The following PCDH15 variants were observed in gnomAD, a reference collection of about 807,000 sequenced individuals.
PCDH15 encodes the protein protocadherin-15.
PCDH15 carries 129 observed loss-of-function variants against 178.5 expected under a neutral mutation model. The observed-to-expected ratio is 0.72, with a 90% CI of 0.63 to 0.84. The LOEUF (loss-of-function observed/expected upper bound fraction) is 0.84. Among genes scored for constraint, PCDH15 ranks in the 40% least tolerant of loss-of-function variants. The pLI is 0.00. For synonymous variants in PCDH15, 800 were observed against 732.0 expected, an observed-to-expected ratio of 1.09 and a Z score of -1.50; for missense variants, 2,230 against 2,099.9, an observed-to-expected ratio of 1.06 and a Z score of -1.21.
chr10:54,692,691 A>ATAACTACAAACATCCCTGATTGAG (rs2095144437), intron 1 of PCDH15, among the ~76,000 whole-genome samples: 1 of 147,266 alleles, frequency 6.8e-6, no homozygotes, highest in Admixed American at 7.2e-5. Flanking sequence ...TTAAAAGCGA[A>ATAACTACAAACATCCCTGATTGAG]TAACTCCAAA....
chr10:55,608,113 T>A (rs78618942), intron 2 of PCDH15, among the ~76,000 whole-genome samples: 2,489 of 152,052 alleles, frequency 0.016, 38 homozygotes, highest in Middle Eastern at 0.068. Context: ...GAAGTAATAA[T>A]GGATTACACA....
intron 3 of PCDH15, among the ~76,000 whole-genome samples, chr10:54,887,992 T>C (rs1392645138): frequency 6.6e-6 from 1 of 152,152 alleles, no homozygotes; most frequent in African/African-American, 2.4e-5. Context: ...TCTCTGACTC[T>C]AAAGGCTGTC....
At chr10:55,453,511 T>C (rs1343599578) in intron 2 of PCDH15, among the ~76,000 whole-genome samples, 1 of 152,172 alleles carries the variant, frequency 6.6e-6, no homozygotes, top group African/African-American at 2.4e-5. Flanking sequence ...CTTGTTCATT[T>C]TCTCAGCCAC....
At chr10:54,551,897 T>C (rs1217684462) in intron 2 of PCDH15, among the ~76,000 whole-genome samples, 1 of 152,086 alleles carries the variant, frequency 6.6e-6, no homozygotes, top group Non-Finnish European at 1.5e-5. Flanking sequence ...TGTGTTTTCA[T>C]ATTTATAAAC....
At chr10:54,268,050 A>T (rs2057805871) in intron 8 of PCDH15, among the ~76,000 whole-genome samples, 1 of 151,998 alleles carries the variant, frequency 6.6e-6, no homozygotes, top group South Asian at 2.1e-4. Context: ...TACAATAACC[A>T]AAATAGCATG....
chr10:54,165,912 G>A (rs1487554649), intron 13 of PCDH15, among the ~76,000 whole-genome samples: 2 of 152,140 alleles, frequency 1.3e-5, no homozygotes, highest in African/African-American at 4.8e-5. Context: ...CTCTAGGAAA[G>A]GAGATGAGAG....
chr10:55,162,123 A>T (rs1455138739), intron 2 of PCDH15, among the ~76,000 whole-genome samples: 1 of 152,174 alleles, frequency 6.6e-6, no homozygotes, highest in African/African-American at 2.4e-5. Context: ...TAAATTATTT[A>T]ATCTAATTTA....
chr10:54,182,669 G>GTAA (rs2133789819), intron 13 of PCDH15, among the ~76,000 whole-genome samples: 1 of 152,160 alleles, frequency 6.6e-6, no homozygotes, highest in East Asian at 1.9e-4. Flanking sequence ...TTTCTCTGCT[G>GTAA]TAATGATTAT....
At chr10:53,980,505 A>G (rs927158192) in intron 21 of PCDH15, among the ~76,000 whole-genome samples, 86 of 152,276 alleles carry the variant, frequency 5.6e-4, no homozygotes, top group African/African-American at 2.0e-3. Context: ...TAAAGTTTAC[A>G]GTTGATGAGG....
At chr10:54,414,847 C>T (rs1446299230) in intron 3 of PCDH15, among the ~76,000 whole-genome samples, 2 of 151,922 alleles carry the variant, frequency 1.3e-5, no homozygotes, top group Non-Finnish European at 2.9e-5. Flanking sequence ...TTTAGGCTGG[C>T]ACTTGAAGAA....
intron 3 of PCDH15, among the ~76,000 whole-genome samples, chr10:54,887,607 G>C (rs888982470): frequency 2.0e-5 from 3 of 151,854 alleles, no homozygotes; most frequent in Admixed American, 1.3e-4. Context: ...AATTAAATGA[G>C]AATAAATTAT....
chr10:54,058,424 G>A (rs540206207), intron 18 of PCDH15, among the ~76,000 whole-genome samples: 5 of 152,248 alleles, frequency 3.3e-5, no homozygotes, highest in East Asian at 1.9e-4. Flanking sequence ...GAAAGACAGC[G>A]TATGCAGGGG....
chr10:55,561,242 T>A (rs1259389073), intron 2 of PCDH15, among the ~76,000 whole-genome samples: 2 of 151,886 alleles, frequency 1.3e-5, no homozygotes, highest in Non-Finnish European at 2.9e-5. Flanking sequence ...AAACATTTTA[T>A]ATAAACTTAT....
rs367806739 is a variant in PCDH15 at position 54,130,431 on chromosome 10, C to T, written c.1917+2444G>A. 1.5e-4 allele frequency among the ~76,000 whole-genome samples: 23 copies of T among 152,064 alleles called. No homozygotes were observed. The East Asian group carries it at 1.9e-3, about 13-fold the overall frequency. ...GACAAGTTTCACTGGCCGGTGAGAA[C>T]GCTGGAGGAAAAAAATCTACCTATA... On this transcript the variant is annotated intron_variant, in intron 15 of 37. Coordinates refer to ENST00000644397, the MANE Select transcript of PCDH15 (RefSeq NM_001384140.1).
At chr10:54,580,368 A>G (rs752616995) in intron 2 of PCDH15, among the ~76,000 whole-genome samples, 7 of 152,126 alleles carry the variant, frequency 4.6e-5, no homozygotes, top group Non-Finnish European at 8.8e-5. Flanking sequence ...ATCTAGAGGA[A>G]ATTGATACAT....
chr10:54,175,168 C>T (rs2047319909), intron 13 of PCDH15, among the ~76,000 whole-genome samples: 1 of 152,084 alleles, frequency 6.6e-6, no homozygotes, highest in African/African-American at 2.4e-5. Flanking sequence ...AACCCTCAAA[C>T]TTTAATCATG....
chr10:55,060,494 C>T (rs11004715), intron 2 of PCDH15, among the ~76,000 whole-genome samples: 9,339 of 151,862 alleles, frequency 0.061, 403 homozygotes, highest in African/African-American at 0.11. Context: ...GTCAAATGAG[C>T]TAATTTTGTG....
At chr10:55,275,541 C>T (rs1842569325) in intron 1 of PCDH15, among the ~76,000 whole-genome samples, 1 of 151,924 alleles carries the variant, frequency 6.6e-6, no homozygotes, top group South Asian at 2.1e-4. Context: ...TTGCACTGAT[C>T]TACACGATCT....
intron 21 of PCDH15, chr10:53,994,823 T>C (rs2091746752): frequency 6.6e-6 from 1 of 152,124 alleles, no homozygotes. Flanking sequence ...TCACTTTTAA[T>C]TAAATACAAG....
Sources: gnomAD v4.1 joint callset for allele counts (sites outside exome capture counted in the v4.1 genomes callset) on GRCh38, gnomAD v4.1.1 for gene constraint, MANE v1.5 for transcripts, NCBI Gene and HGNC (gene_info 2026-07-23, HGNC 2026-07-21) for gene names.